NEO1: variants seen among roughly 807,000 people sequenced by gnomAD.
NEO1 encodes the protein neogenin.
In NEO1, 63 loss-of-function variants were observed where a neutral mutation model predicts 159.7. That is an observed-to-expected ratio of 0.39 (90% CI 0.32 to 0.49). The LOEUF (loss-of-function observed/expected upper bound fraction) is 0.49, where lower values mean the gene tolerates loss of function less well. Ranked by LOEUF, NEO1 falls within the 20% of genes least tolerant of loss-of-function variation. The pLI, the probability that NEO1 is intolerant of heterozygous loss-of-function variation, is 0.85. For missense variants in NEO1, 1,615 were observed against 1,831.0 expected (o/e 0.88, Z 2.15); for synonymous variants, 633 against 662.0 (o/e 0.96, Z 0.67).
chr15:73,293,343 T>C, intron 25 of NEO1, 47 bp from the exon 26 acceptor site: 3 of 1,606,252 alleles, frequency 1.9e-6, no homozygotes, highest in Non-Finnish European at 2.6e-6. Context: ...TTTGTGTGTG[T>C]TTGTGCAAGC....
intron 2 of NEO1, among the ~76,000 whole-genome samples, chr15:73,121,543 G>A (rs1242888522): frequency 6.6e-6 from 1 of 152,026 alleles, no homozygotes; most frequent in Non-Finnish European, 1.5e-5. Flanking sequence ...GAGTATTTTG[G>A]GAAGAGATAC....
intron 7 of NEO1, among the ~76,000 whole-genome samples, chr15:73,194,224 G>A (rs946811183): frequency 6.6e-6 from 1 of 152,096 alleles, no homozygotes; most frequent in Non-Finnish European, 1.5e-5. Flanking sequence ...CCATTTAGAA[G>A]GATTTTGTAC....
At chr15:73,076,172 G>A (rs543076149) in intron 1 of NEO1, among the ~76,000 whole-genome samples, 51 of 152,206 alleles carry the variant, frequency 3.4e-4, no homozygotes, top group South Asian at 4.2e-4. Context: ...TCTGCTTTTG[G>A]TTTGTGATGG....
chr15:73,163,503 A>G (rs1287928384), intron 5 of NEO1, among the ~76,000 whole-genome samples: 1 of 152,130 alleles, frequency 6.6e-6, no homozygotes, highest in Non-Finnish European at 1.5e-5. Context: ...AGCAGATATT[A>G]TATCATCTAG....
rs78985752 is a variant in NEO1 at position 73,190,808 on chromosome 15, A to C, written c.1291+12381A>C. 5.4e-4 allele frequency among the ~76,000 whole-genome samples: 82 copies of C among 152,094 alleles called. 1 individual carries two copies. In the East Asian group the frequency reaches 0.015, roughly 28 times the overall value. On this transcript the variant is annotated intron_variant, in intron 7 of 28. Coordinates refer to ENST00000261908, the MANE Select transcript of NEO1 (RefSeq NM_002499.4). ...TTAATCATGAAATTCATGTCTAGGA[A>C]CTTTCTAAAGACTGAATATGTATCT...
At chr15:73,274,650 T>A in intron 20 of NEO1, 42 bp from the exon 21 acceptor site, 1 of 1,607,810 alleles carries the variant, frequency 6.2e-7, no homozygotes, top group South Asian at 1.1e-5. Flanking sequence ...AAGCTTGTGA[T>A]CCTTGCTCTT....
rs1462486057 is a variant in NEO1 at position 73,270,012 on chromosome 15, A to G, written c.2497A>G (p.Thr833Ala). The G allele has an allele frequency of 9.9e-6, 16 of 1,611,530 alleles. No homozygotes were observed. The highest frequency in any genetic ancestry group is 1.3e-5 in the African/African-American group (1 of 74,792). ...ESAVTRPHTD[T>A]SEVDLFVINA... The stretch of plus-strand genomic sequence containing the variant: ...TTTTTAAATTATTTTCTGCTCAGAC[A>G]CTTCTGAAGTTGATTTATTTGTTAT... Residue 833 changes from threonine to alanine, a missense_variant and splice_region_variant, in exon 17 of 29, where the codon ACT becomes GCT. Physicochemically the swap from Thr to Ala is moderately conservative, Grantham distance 58. Coordinates refer to ENST00000261908, the MANE Select transcript of NEO1 (RefSeq NM_002499.4).
intron 9 of NEO1, 43 bp downstream of exon 9, chr15:73,244,541 C>G: frequency 6.3e-7 from 1 of 1,593,868 alleles, no homozygotes; most frequent in Admixed American, 1.7e-5. Flanking sequence ...AGAGGTAGAC[C>G]TCTCTGAAGT....
chr15:73,062,260 A>G (rs2068015154), intron 1 of NEO1, among the ~76,000 whole-genome samples: 1 of 152,210 alleles, frequency 6.6e-6, no homozygotes, highest in African/African-American at 2.4e-5. Context: ...AAAATTATTA[A>G]TGGAGTTGAG....
intron 1 of NEO1, among the ~76,000 whole-genome samples, chr15:73,093,736 C>T (rs1451177132): frequency 6.6e-6 from 1 of 151,914 alleles, no homozygotes; most frequent in African/African-American, 2.4e-5. Flanking sequence ...ACCAACCACG[C>T]CTGGCTAATT....
intron 13 of NEO1, chr15:73,256,213 T>G (rs2040340862): frequency 6.6e-6 from 1 of 152,146 alleles, no homozygotes; most frequent in Admixed American, 6.6e-5. Context: ...AGTGTCACGT[T>G]TTCCAGCCAG....
At chr15:73,125,094 G>A (rs2151674821) in intron 3 of NEO1, among the ~76,000 whole-genome samples, 1 of 152,270 alleles carries the variant, frequency 6.6e-6, no homozygotes, top group East Asian at 1.9e-4. Flanking sequence ...GATTTGTAGT[G>A]TCAAAAGGTG....
intron 5 of NEO1, among the ~76,000 whole-genome samples, chr15:73,136,642 G>T (rs1002974528): frequency 3.9e-5 from 6 of 152,118 alleles, no homozygotes; most frequent in African/African-American, 1.4e-4. Flanking sequence ...ATCACTGCAA[G>T]GGTAGTTGTT....
chr15:73,138,781 A>G (rs2032079388), intron 5 of NEO1, among the ~76,000 whole-genome samples: 1 of 150,944 alleles, frequency 6.6e-6, no homozygotes, highest in Admixed American at 6.6e-5. Context: ...ACAAAAAAAC[A>G]AAAAAACAAA....
intron 1 of NEO1, among the ~76,000 whole-genome samples, chr15:73,069,229 T>C (rs1179777750): frequency 6.6e-6 from 1 of 151,358 alleles, no homozygotes; most frequent in Non-Finnish European, 1.5e-5. Flanking sequence ...CCCAAAGTGC[T>C]GGGATTATAG....
At chr15:73,298,671 G>A in intron 27 of NEO1, 60 bp downstream of exon 27, 2 of 1,594,544 alleles carry the variant, frequency 1.3e-6, no homozygotes, top group East Asian at 4.5e-5. Flanking sequence ...TTTGGCTCAA[G>A]CTTGGGACAA....
At chr15:73,125,722 C>T (rs926587671) in intron 3 of NEO1, among the ~76,000 whole-genome samples, 1 of 152,168 alleles carries the variant, frequency 6.6e-6, no homozygotes, top group Admixed American at 6.5e-5. Flanking sequence ...ATAAAGTGAA[C>T]ACACATTAAT....
intron 1 of NEO1, among the ~76,000 whole-genome samples, chr15:73,072,993 A>G (rs2068608501): frequency 6.6e-6 from 1 of 152,150 alleles, no homozygotes; most frequent in African/African-American, 2.4e-5. Context: ...TTGGGGGACA[A>G]GAAGAACATG....
At position 73,303,751 on chromosome 15, in the gene NEO1, G is replaced by T. The variant is rs1261232732; in HGVS notation, c.*1055G>T. 8 of 152,218 alleles carry T rather than the reference G, an allele frequency of 5.3e-5. No homozygotes were observed. Among genetic ancestry groups the T allele is most frequent in the Non-Finnish European group, 1.0e-4 (7 of 68,052 alleles). 9.4% of individuals were successfully genotyped at this position (152,218 alleles called of 1,614,324 possible). On this transcript the variant is annotated 3_prime_UTR_variant, in exon 29 of 29. Coordinates refer to ENST00000261908, the MANE Select transcript of NEO1 (RefSeq NM_002499.4). ...GTCATAGCCTGGTAAGAATGTCCAT[G>T]CTGAGGAGCCAGATGTTGTATTTCT...
Sources: allele counts gnomAD v4.1 joint callset (sites outside exome capture counted in the v4.1 genomes callset), GRCh38; gene constraint gnomAD v4.1.1; transcripts MANE v1.5; gene names NCBI Gene and HGNC (gene_info 2026-07-23, HGNC 2026-07-21).